The following DHRS3 variants were observed in gnomAD, a reference collection of about 807,000 sequenced individuals.
The protein encoded by DHRS3 is dehydrogenase/reductase 3.
DHRS3 carries 14 observed loss-of-function variants against 27.2 expected under a neutral mutation model. The observed-to-expected ratio is 0.52, with a 90% CI of 0.34 to 0.81. The LOEUF is 0.81. Among genes scored for constraint, DHRS3 ranks in the 30% least tolerant of loss-of-function variants. The pLI, the probability that DHRS3 is intolerant of heterozygous loss-of-function variation, is 0.01. For synonymous variants in DHRS3, 165 were observed against 175.9 expected (o/e 0.94, Z 0.49); for missense variants, 322 against 406.2 (o/e 0.79, Z 1.78).
chr1:12,594,715 G>A lies in DHRS3; in HGVS notation c.196-14049C>T, dbSNP rs909056484. ...GGGTGGGAATGAGCTTCCCCAGCAC[G>A]GAGACCAGTGTGGAAGAGCAAGCGG... On this transcript the variant is annotated intron_variant, in intron 1 of 5. Coordinates refer to ENST00000616661, the MANE Select transcript of DHRS3 (RefSeq NM_004753.7). This position sits in a 1 kb window ranked among gnomAD's most constrained non-coding sequence, Gnocchi z 4.1. Among the ~76,000 whole-genome samples, 3 of 152,136 alleles carry A rather than the reference G, an allele frequency of 2.0e-5. No individual in the cohort carries two copies. Among genetic ancestry groups the A allele is most frequent in the Non-Finnish European group, 4.4e-5 (3 of 68,014 alleles).
At chr1:12,614,030 CA>C (rs1646927530) in intron 1 of DHRS3, among the ~76,000 whole-genome samples, 1 of 152,184 alleles carries the variant, frequency 6.6e-6, no homozygotes, top group African/African-American at 2.4e-5. Context: ...CTCAGCCTCC[CA>C]AAGTGCTGGG....
chr1:12,574,584 C>T lies in DHRS3; in HGVS notation c.699-1731G>A, dbSNP rs979770459. Reference sequence around the variant, plus strand: ...ACTGATACTGGAGTCCTACAGGTGTCGTGGGCGGTCTGGATTCTCTGGCTT... The same window carrying T: ...ACTGATACTGGAGTCCTACAGGTGTTGTGGGCGGTCTGGATTCTCTGGCTT... On this transcript the variant is annotated intron_variant, in intron 4 of 5. Transcript: ENST00000616661. This position sits in a 1 kb window ranked among gnomAD's most constrained non-coding sequence, Gnocchi z 4.6. Among the ~76,000 whole-genome samples, 6 of 152,172 alleles carry T rather than the reference C, an allele frequency of 3.9e-5. No individual in the cohort carries two copies. Among genetic ancestry groups the T allele is most frequent in the Non-Finnish European group, 7.3e-5 (5 of 68,028 alleles).
chr1:12,610,708 T>C (rs1192559446), intron 1 of DHRS3, among the ~76,000 whole-genome samples: 1 of 152,246 alleles, frequency 6.6e-6, no homozygotes, highest in Non-Finnish European at 1.5e-5. Context: ...AGTGTCTAAA[T>C]AGACTCACTT....
chr1:12,616,667 C>T (rs1251407418), intron 1 of DHRS3: 1 of 996,394 alleles, frequency 1.0e-6, no homozygotes, highest in Non-Finnish European at 1.2e-6. Flanking sequence ...AAACCAAGTA[C>T]CCTCTCTCGT....
intron 1 of DHRS3, among the ~76,000 whole-genome samples, chr1:12,604,510 C>A (rs1646856728): frequency 1.3e-5 from 2 of 152,166 alleles, no homozygotes; most frequent in Admixed American, 1.3e-4. Context: ...TCACTACATC[C>A]CTGCCCGCAT....
intron 5 of DHRS3, among the ~76,000 whole-genome samples, chr1:12,571,718 C>A (rs571110421): frequency 1.1e-4 from 17 of 151,834 alleles, no homozygotes; most frequent in African/African-American, 4.1e-4. Context: ...ATTTTTAGTA[C>A]AGACAGGGTT....
chr1:12,580,311 G>A, intron 2 of DHRS3: 1 of 619,924 alleles, frequency 1.6e-6, no homozygotes, highest in East Asian at 3.0e-5. Context: ...ATTTCCAAGG[G>A]AACAACAGAT....
intron 5 of DHRS3, among the ~76,000 whole-genome samples, chr1:12,569,231 T>TCACACACACACACACA (rs57427000): frequency 8.1e-5 from 9 of 110,474 alleles, no homozygotes; most frequent in South Asian, 3.0e-4. Context: ...TCTCTCTCTC[T>TCACACACACACACACA]CACACACACA....
chr1:12,600,714 C>T (rs1168610077), intron 1 of DHRS3, among the ~76,000 whole-genome samples: 2 of 152,252 alleles, frequency 1.3e-5, no homozygotes, highest in East Asian at 1.9e-4. Context: ...CTCCCCTGCC[C>T]GCAGCTGGAG....
chr1:12,611,468 C>G (rs1384711521), intron 1 of DHRS3, among the ~76,000 whole-genome samples: 1 of 152,214 alleles, frequency 6.6e-6, no homozygotes, highest in East Asian at 1.9e-4. Context: ...AGACAGCTAC[C>G]TGTTGAGGGA....
intron 1 of DHRS3, among the ~76,000 whole-genome samples, chr1:12,599,495 G>T (rs926397391): frequency 6.6e-6 from 1 of 152,236 alleles, no homozygotes; most frequent in African/African-American, 2.4e-5. Flanking sequence ...CGTGCATCCT[G>T]TAGAAAGCCT....
intron 1 of DHRS3, among the ~76,000 whole-genome samples, chr1:12,603,507 T>C (rs930001879): frequency 2.0e-5 from 3 of 152,150 alleles, no homozygotes; most frequent in Non-Finnish European, 4.4e-5. Context: ...CCCTGCTCCA[T>C]CTCCCACGTG....
In DHRS3 at chr1:12,579,436, G is replaced by A. The variant is rs754558284; in HGVS notation, c.340-24C>T. On this transcript the variant is annotated intron_variant, in intron 2 of 5. Coordinates refer to ENST00000616661, the MANE Select transcript of DHRS3 (RefSeq NM_004753.7). ...ACCTGCAGGCGAGAGGGAGCCACGGGGCCATGAGGGCAGCCAGCCCAGGGC... is the reference window on the plus strand; with the variant it reads ...ACCTGCAGGCGAGAGGGAGCCACGGAGCCATGAGGGCAGCCAGCCCAGGGC... The A allele has an allele frequency of 6.8e-6, 11 of 1,612,006 alleles. No individual in the cohort carries two copies. The South Asian group carries it at 1.2e-4, about 18-fold the overall frequency.
intron 1 of DHRS3, among the ~76,000 whole-genome samples, chr1:12,584,891 G>A (rs1646678969): frequency 6.6e-6 from 1 of 152,092 alleles, no homozygotes; most frequent in African/African-American, 2.4e-5. Context: ...GTGTGTGTGT[G>A]TGTGTCTGTG....
chr1:12,569,741 T>A (rs6541040), intron 5 of DHRS3, among the ~76,000 whole-genome samples: 24,114 of 152,094 alleles, frequency 0.16, 2,116 homozygotes, highest in East Asian at 0.27. Context: ...AATTTCTGTA[T>A]TTTTAGTAGA....
chr1:12,589,273 A>G (rs1646725050), intron 1 of DHRS3, among the ~76,000 whole-genome samples: 1 of 152,184 alleles, frequency 6.6e-6, no homozygotes, highest in Non-Finnish European at 1.5e-5. Flanking sequence ...AGCTTAGAAC[A>G]TGGGCTCTGG....
intron 1 of DHRS3, among the ~76,000 whole-genome samples, chr1:12,587,204 G>A (rs564174297): frequency 2.7e-5 from 4 of 149,902 alleles, no homozygotes; most frequent in South Asian, 2.1e-4. Flanking sequence ...GTGCAGTGGC[G>A]CAATCATGAC....
rs1416952925 is a variant in DHRS3, at chr1:12,594,423, C to G, written c.196-13757G>C. Among the ~76,000 whole-genome samples the G allele has an allele frequency of 2.0e-5, 3 of 152,128 alleles. No homozygotes were observed. The highest frequency in any genetic ancestry group is 7.2e-5 in the African/African-American group (3 of 41,416). Reference sequence around the variant, plus strand: ...GACAATGAGCATGAACACTTGTTCACGTGAACGAATGACTGTATAGTAAGT... The same window carrying G: ...GACAATGAGCATGAACACTTGTTCAGGTGAACGAATGACTGTATAGTAAGT... On this transcript the variant is annotated intron_variant, in intron 1 of 5. Transcript: ENST00000616661. The surrounding 1 kb of genome is among the most constrained non-coding windows in gnomAD (Gnocchi z 4.1).
chr1:12,582,435 A>C (rs1423616401), intron 1 of DHRS3, among the ~76,000 whole-genome samples: 1 of 152,340 alleles, frequency 6.6e-6, no homozygotes, highest in African/African-American at 2.4e-5. Context: ...AAATACAGGA[A>C]GGGCTTAACA....
Sources: allele counts gnomAD v4.1 joint callset (sites outside exome capture counted in the v4.1 genomes callset), GRCh38; gene constraint gnomAD v4.1.1; non-coding constraint Gnocchi (gnomAD v3.1); transcripts MANE v1.5; gene names NCBI Gene and HGNC (gene_info 2026-07-23, HGNC 2026-07-21).